The following CHD7 variants were observed in gnomAD, a reference collection of about 807,000 sequenced individuals.
CHD7 encodes chromodomain helicase DNA binding protein 7.
A neutral mutation model predicts 307.3 loss-of-function variants in CHD7; 24 were observed. That is an observed-to-expected ratio of 0.08 (90% confidence interval 0.06 to 0.11). The LOEUF (loss-of-function observed/expected upper bound fraction) is 0.11, where lower values mean the gene tolerates loss of function less well. Among genes scored for constraint, CHD7 ranks in the 10% least tolerant of loss-of-function variants. CHD7 has a pLI of 1.00. For missense variants in CHD7, 3,106 were observed against 3,727.1 expected, an observed-to-expected ratio of 0.83 and a Z score of 4.34; for synonymous variants, 1,363 against 1,349.9, an observed-to-expected ratio of 1.01 and a Z score of -0.21.
chr8:60,741,671 T>C lies in CHD7; in HGVS notation c.239T>C (p.Met80Thr). Residue 80 changes from methionine (M) to threonine (T), a missense_variant, in exon 2 of 38, where the codon ATG becomes ACG. Met to Thr is a moderately conservative substitution (Grantham distance 81, BLOSUM62 -1). Around this residue, in one of 10 missense-constraint regions of CHD7, gnomAD observed 998 missense variants for 1,004.5 expected, o/e 0.99. Transcript: ENST00000423902. ...TATAATCAGTATGAACAACAAAAGA[T>C]GCATCTGATGGATCAGCCGAACAGA... ...DHYNQYEQQK[M>T]HLMDQPNRMM... 6.2e-7 allele frequency: 1 copy of C among 1,613,966 alleles called. No individual in the cohort carries two copies. Among genetic ancestry groups the C allele is most frequent in the South Asian group, 1.1e-5 (1 of 91,068 alleles).
At chr8:60,822,239 C>A in intron 11 of CHD7, 94 bp downstream of exon 11, 1 of 1,142,226 alleles carries the variant, frequency 8.8e-7, no homozygotes, top group South Asian at 2.1e-5. Context: ...AATGTTTTAA[C>A]TCTAATAAGA....
In CHD7 at chr8:60,742,589, C is replaced by G; in HGVS notation, c.1157C>G (p.Pro386Arg). The G allele has an allele frequency of 6.2e-7, 1 of 1,613,882 alleles. No homozygotes were observed. The change falls in exon 2 of 38, where the codon CCT becomes CGT. Residue 386 changes from proline (P) to arginine (R), a missense_variant. Physicochemically the swap from Pro to Arg is moderately radical, Grantham distance 103 (BLOSUM62 -2). Transcript: ENST00000423902. ...ACACAAACTATGCATCCTTCACAGC[C>G]TCAGGGAACTTATGCCTCTCCACCT... is the stretch of plus-strand genomic sequence containing the variant. ...MNTQTMHPSQ[P>R]QGTYASPPPM...
At chr8:60,843,023 C>T (rs1182236200) in intron 21 of CHD7, among the ~76,000 whole-genome samples, 4 of 152,150 alleles carry the variant, frequency 2.6e-5, no homozygotes, top group Non-Finnish European at 1.5e-5. Flanking sequence ...CGTGGGTGTC[C>T]GACGCAGGCA....
At chr8:60,779,934 C>T (rs927159470) in intron 2 of CHD7, among the ~76,000 whole-genome samples, 3 of 152,052 alleles carry the variant, frequency 2.0e-5, no homozygotes, top group Admixed American at 6.5e-5. Context: ...AATGGTACCA[C>T]GGTGTAAAGC....
rs1586249091 is a variant in CHD7, at chr8:60,742,097, A to C, written c.665A>C (p.Gln222Pro). The C allele has an allele frequency of 6.2e-7, 1 of 1,613,992 alleles. No homozygotes were observed. The highest frequency in any genetic ancestry group is 8.5e-7 in the Non-Finnish European group (1 of 1,179,894). ...TCCCAAGGCCAAGAGGGCCTCAATC[A>C]GGGAAATCCTTTTATTGCCACCTCA... The part of the protein sequence containing the change: ...QFSQGQEGLN[Q>P]GNPFIATSGP... Residue 222 changes from glutamine (Q) to proline (P), a missense_variant, in exon 2 of 38, where the codon CAG (glutamine) becomes CCG (proline). Coordinates refer to ENST00000423902, the MANE Select transcript of CHD7 (RefSeq NM_017780.4).
Position 60,865,114 on chromosome 8 carries a change from C to G in CHD7, c.8175C>G (p.Ile2725Met). The change falls in exon 38 of 38, where the codon ATC becomes ATG. Residue 2725 changes from isoleucine to methionine, a missense_variant. Coordinates refer to ENST00000423902, the MANE Select transcript of CHD7 (RefSeq NM_017780.4). The surrounding 1 kb of genome is among the most constrained non-coding windows in gnomAD (Gnocchi z 4.3). ...SRRGRRPKSE[I>M]ARAAAAAAAV... ...GAGGAAGAAGGCCCAAAAGTGAGAT[C>G]GCCAGAGCAGCCGCGGCCGCCGCTG... 3.1e-6 allele frequency: 5 copies of G among 1,610,540 alleles called. No homozygotes were observed. In the South Asian group the frequency reaches 5.5e-5, roughly 18 times the overall value.
At chr8:60,812,746 ATTTT>A (rs1296956122) in intron 7 of CHD7, among the ~76,000 whole-genome samples, 1 of 148,252 alleles carries the variant, frequency 6.7e-6, no homozygotes, top group East Asian at 2.0e-4. Flanking sequence ...TTATTTATTT[ATTTT>A]ATTTATTTTT....
At position 60,742,059 on chromosome 8, in the gene CHD7, G is replaced by T; in HGVS notation, c.627G>T (p.Arg209Ser). 3 of 1,613,878 alleles carry T rather than the reference G, an allele frequency of 1.9e-6. No homozygotes were observed. The highest frequency in any genetic ancestry group is 2.5e-6 in the Non-Finnish European group (3 of 1,179,896). The change falls in exon 2 of 38, where the codon AGG becomes AGT. Residue 209 changes from arginine to serine, a missense_variant. Arg to Ser is a moderately radical substitution (Grantham distance 110, BLOSUM62 -1). Around this residue, in one of 10 missense-constraint regions of CHD7, gnomAD observed 998 missense variants for 1,004.5 expected, o/e 0.99. Transcript: ENST00000423902. ...AGCAGCATGGTCAGCCACAGCAGAG[G>T]ATGAGCCAGTTTTCCCAAGGCCAAG... ...SMQQHGQPQQ[R>S]MSQFSQGQEG...
chr8:60,688,219 A>G (rs1806010900), intron 1 of CHD7, among the ~76,000 whole-genome samples: 2 of 152,204 alleles, frequency 1.3e-5, no homozygotes, highest in South Asian at 4.1e-4. Context: ...TTGATGTCGG[A>G]CAGATACGGG....
chr8:60,766,064 C>A (rs1440588517), intron 2 of CHD7, among the ~76,000 whole-genome samples: 1 of 152,230 alleles, frequency 6.6e-6, no homozygotes, highest in Non-Finnish European at 1.5e-5. Context: ...ATGAATAATA[C>A]AGTGCACACC....
In CHD7 at chr8:60,800,521, A is replaced by T; in HGVS notation, c.2372A>T (p.Gln791Leu). The change falls in exon 5 of 38, where the codon CAG (glutamine) becomes CTG (leucine). Residue 791 changes from glutamine (Q) to leucine (L), a missense_variant. Around this residue, in one of 10 missense-constraint regions of CHD7, gnomAD observed 998 missense variants for 1,004.5 expected, o/e 0.99. Transcript: ENST00000423902. ...DSPSNTSQSE[Q>L]QESVDAEGPV... ...CCCTCCAACACCTCCCAGTCAGAACAGCAGGTTAGTACCAGATCTGTGGGA... is the reference window on the plus strand; with the variant it reads ...CCCTCCAACACCTCCCAGTCAGAACTGCAGGTTAGTACCAGATCTGTGGGA... The T allele has an allele frequency of 1.2e-6, 2 of 1,612,988 alleles. No homozygotes were observed. The highest frequency in any genetic ancestry group is 1.7e-6 in the Non-Finnish European group (2 of 1,179,498).
In CHD7 at chr8:60,742,750, C is replaced by T; in HGVS notation, c.1318C>T (p.Pro440Ser). The change falls in exon 2 of 38, where the codon CCT becomes TCT. Residue 440 changes from proline to serine, a missense_variant. Coordinates refer to ENST00000423902, the MANE Select transcript of CHD7 (RefSeq NM_017780.4). ...MPHPQPSHQP[P>S]GAMGIGQRNM... ...CCATCCTCAGCCATCTCACCAGCCC[C>T]CTGGTGCCATGGGAATCGGACAGAG... is the stretch of plus-strand genomic sequence containing the variant. 6.2e-7 allele frequency: 1 copy of T among 1,614,034 alleles called. No individual in the cohort carries two copies. Among genetic ancestry groups the T allele is most frequent in the East Asian group, 2.2e-5 (1 of 44,890 alleles).
At chr8:60,706,861 G>A (rs1807046132) in intron 1 of CHD7, among the ~76,000 whole-genome samples, 1 of 152,026 alleles carries the variant, frequency 6.6e-6, no homozygotes, top group Non-Finnish European at 1.5e-5. Context: ...GGATACATGT[G>A]CACAACATGC....
At chr8:60,687,304 A>T (rs202072781) in intron 1 of CHD7, among the ~76,000 whole-genome samples, 2 of 6,312 alleles carry the variant, frequency 3.2e-4, no homozygotes, top group Non-Finnish European at 5.3e-4. Context: ...GGAATATGAT[A>T]AAAAAAAAAT....
Position 60,811,706 on chromosome 8 carries a change from T to A in CHD7, c.2498+3434T>A, listed in dbSNP as rs1586370198. Among the ~76,000 whole-genome samples, 3 of 152,276 alleles carry A rather than the reference T, an allele frequency of 2.0e-5. No individual in the cohort carries two copies. The South Asian group carries it at 6.2e-4, about 32-fold the overall frequency. ...TTCCAGGTGAATTCCCGGAAGTGAG[T>A]TTACTAGATACAAAAGGCAAACATG... On this transcript the variant is annotated intron_variant, in intron 7 of 37. Coordinates refer to ENST00000423902, the MANE Select transcript of CHD7 (RefSeq NM_017780.4).
intron 1 of CHD7, among the ~76,000 whole-genome samples, chr8:60,679,402 C>G (rs1241179761): frequency 1.6e-5 from 2 of 124,932 alleles, no homozygotes; most frequent in African/African-American, 5.9e-5. Flanking sequence ...GGGTCACTTC[C>G]TCGCATGTAA....
At chr8:60,804,234 G>A (rs188204319) in intron 6 of CHD7, among the ~76,000 whole-genome samples, 3 of 152,298 alleles carry the variant, frequency 2.0e-5, no homozygotes, top group Admixed American at 1.3e-4. Flanking sequence ...AGATATATGA[G>A]TAGATACTTG....
At position 60,742,437 on chromosome 8, in the gene CHD7, A is replaced by C. The variant is rs1338094756; in HGVS notation, c.1005A>C (p.Thr335=). ...GGATGAATCAAAATTTAGGCCTTAC[A>C]AATAATACTCCAATGAATCAGTCCG... ...NTGMNQNLGL[T]NNTPMNQSVP... Residue 335 remains threonine, a synonymous_variant, in exon 2 of 38, where the codon ACA becomes ACC. Transcript: ENST00000423902. 1 of 1,614,052 alleles carries C rather than the reference A, an allele frequency of 6.2e-7. No individual in the cohort carries two copies. Among genetic ancestry groups the C allele is most frequent in the Non-Finnish European group, 8.5e-7 (1 of 1,179,894 alleles).
At chr8:60,680,914 A>G (rs1805594554) in intron 1 of CHD7, among the ~76,000 whole-genome samples, 1 of 152,154 alleles carries the variant, frequency 6.6e-6, no homozygotes, top group African/African-American at 2.4e-5. Flanking sequence ...TCTGGAATAC[A>G]TTACATGTCT....
Sources: gnomAD v4.1 joint callset for allele counts (sites outside exome capture counted in the v4.1 genomes callset) on GRCh38, gnomAD v4.1.1 for gene constraint, gnomAD v4.1.1 regional missense constraint, Gnocchi (gnomAD v3.1) non-coding constraint, MANE v1.5 for transcripts, NCBI Gene and HGNC (gene_info 2026-07-23, HGNC 2026-07-21) for gene names.